Variants in URAD observed in about 807,000 individuals in gnomAD.
URAD encodes putative 2-oxo-4-hydroxy-4-carboxy-5-ureidoimidazoline decarboxylase.
Under a neutral mutation model 4.6 loss-of-function variants are expected in URAD, and 4 were observed. That is an observed-to-expected ratio of 0.87 (90% CI 0.43 to 1.98). The LOEUF (loss-of-function observed/expected upper bound fraction) is 1.98. Among genes scored for constraint, URAD ranks in the 30% most tolerant of loss-of-function variants. The probability of loss-of-function intolerance (pLI) is 0.03; values close to 1 mark genes in which losing one functional copy is unlikely to be tolerated. For missense variants in URAD, 300 were observed against 255.3 expected, an observed-to-expected ratio of 1.18 and a Z score of -1.19; for synonymous variants, 144 against 118.2, an observed-to-expected ratio of 1.22 and a Z score of -1.41.
chr13:27,978,514 T>G, intron 1 of URAD, 62 bp from the exon 2 acceptor site: 1 of 1,207,558 alleles, frequency 8.3e-7, no homozygotes, highest in Non-Finnish European at 1.0e-6. Context: ...CACCGCGCAC[T>G]CGAGGGGGCG....
chr13:27,988,105 C>T (rs976255067), intron 1 of URAD, among the ~76,000 whole-genome samples: 3 of 152,066 alleles, frequency 2.0e-5, no homozygotes, highest in Admixed American at 6.6e-5. Context: ...ACTACAGGCA[C>T]GTGCCACCAC....
chr13:27,982,873 A>T (rs1000349335), intron 1 of URAD, among the ~76,000 whole-genome samples: 1 of 152,142 alleles, frequency 6.6e-6, no homozygotes. Context: ...CCATTTAAAA[A>T]AATCCTGTTG....
intron 1 of URAD, among the ~76,000 whole-genome samples, chr13:27,983,551 C>T (rs1008077376): frequency 6.6e-6 from 1 of 152,208 alleles, no homozygotes; most frequent in South Asian, 2.1e-4. Context: ...TATGAGTGGC[C>T]TCATCCTAGA....
At chr13:27,979,876 C>T (rs1011661037) in intron 1 of URAD, among the ~76,000 whole-genome samples, 2 of 152,136 alleles carry the variant, frequency 1.3e-5, no homozygotes, top group Non-Finnish European at 2.9e-5. Flanking sequence ...GTAACATCCC[C>T]GTGTAAGAGA....
In URAD at chr13:27,988,567, C is replaced by T. The variant is rs868346858; in HGVS notation, c.71G>A (p.Arg24Lys). ...FVDVFGNATERCPLIAAAVWS... is the reference protein window; with the variant it reads ...FVDVFGNATEKCPLIAAAVWS... Reference sequence around the variant, plus strand: ...AACAGCAGCTGCAATCAGAGGACATCTCTCAGTGGCATTCCCAAACACATC... The same window carrying T: ...AACAGCAGCTGCAATCAGAGGACATTTCTCAGTGGCATTCCCAAACACATC... The change falls in exon 1 of 2, where the codon AGA becomes AAA. Residue 24 changes from arginine (R) to lysine (K), a missense_variant. Arg to Lys is a conservative substitution (Grantham distance 26). Coordinates refer to ENST00000332715, the MANE Select transcript of URAD (RefSeq NM_001105577.2). The T allele has an allele frequency of 6.2e-7, 1 of 1,613,942 alleles. No homozygotes were observed. The highest frequency in any genetic ancestry group is 8.5e-7 in the Non-Finnish European group (1 of 1,179,866).
chr13:27,981,961 G>A (rs1028522310), intron 1 of URAD, among the ~76,000 whole-genome samples: 2 of 151,806 alleles, frequency 1.3e-5, no homozygotes, highest in Admixed American at 1.3e-4. Context: ...TTGTCTCCTG[G>A]CCTCTCCACT....
At chr13:27,981,049 C>CTCTG (rs1869864149) in intron 1 of URAD, among the ~76,000 whole-genome samples, 1 of 150,992 alleles carries the variant, frequency 6.6e-6, no homozygotes, top group African/African-American at 2.5e-5. Context: ...CTCTCTCTCT[C>CTCTG]TCTGTCTCTT....
rs117995882 is a variant in URAD at position 27,979,854 on chromosome 13, G to A, written c.176-1402C>T. Among the ~76,000 whole-genome samples the A allele has an allele frequency of 1.0e-3, 154 of 152,272 alleles. No homozygotes were observed. The East Asian group carries it at 0.027, about 27-fold the overall frequency. On this transcript the variant is annotated intron_variant, in intron 1 of 1. Transcript: ENST00000332715. Reference sequence around the variant, plus strand: ...GAACTAATTTCTCCCTGAAAGACACGGAGAACTGGGGGTAACATCCCCGTG... The same window carrying A: ...GAACTAATTTCTCCCTGAAAGACACAGAGAACTGGGGGTAACATCCCCGTG...
chr13:27,987,798 T>G (rs1350047086), intron 1 of URAD, among the ~76,000 whole-genome samples: 1 of 152,152 alleles, frequency 6.6e-6, no homozygotes, highest in Non-Finnish European at 1.5e-5. Flanking sequence ...TGCTTGACTC[T>G]TACGGACTAG....
In URAD at chr13:27,978,372, G is replaced by T; in HGVS notation, c.256C>A (p.Arg86=). 2 of 1,402,310 alleles carry T rather than the reference G, an allele frequency of 1.4e-6. No individual in the cohort carries two copies. Among genetic ancestry groups the T allele is most frequent in the South Asian group, 3.1e-5 (2 of 63,884 alleles). The allele number at this position is 1,402,310 out of a possible 1,614,324, so 86.9% of individuals were successfully genotyped here. ...QRGTLTAESQ[R]EQSGAGLRSL... ...CTCAGGCCTGCGCCGCTCTGTTCCCGCTGCGACTCGGCCGTGAGCGTGCCC... is the reference window on the plus strand; with the variant it reads ...CTCAGGCCTGCGCCGCTCTGTTCCCTCTGCGACTCGGCCGTGAGCGTGCCC... The change falls in exon 2 of 2, where the codon CGG becomes AGG. Residue 86 remains arginine, a synonymous_variant. Coordinates refer to ENST00000332715, the MANE Select transcript of URAD (RefSeq NM_001105577.2).
At position 27,977,825 on chromosome 13, in the gene URAD, G is replaced by C; in HGVS notation, c.*281C>G. On this transcript the variant is annotated 3_prime_UTR_variant, in exon 2 of 2. Coordinates refer to ENST00000332715, the MANE Select transcript of URAD (RefSeq NM_001105577.2). ...GCTTTGGAATCCACAAAGGCCGGTGGTGTCGGGGGCCGCAAAGGGAGTGAA... is the reference window on the plus strand; with the variant it reads ...GCTTTGGAATCCACAAAGGCCGGTGCTGTCGGGGGCCGCAAAGGGAGTGAA... The C allele has an allele frequency of 2.5e-6, 1 of 408,130 alleles. No individual in the cohort carries two copies. Among genetic ancestry groups the C allele is most frequent in the East Asian group, 3.9e-5 (1 of 25,350 alleles). 25.3% of individuals were successfully genotyped at this position (408,130 alleles called of 1,614,324 possible).
intron 1 of URAD, among the ~76,000 whole-genome samples, chr13:27,983,507 G>C (rs1566042657): frequency 6.6e-6 from 1 of 152,084 alleles, no homozygotes; most frequent in East Asian, 1.9e-4. Context: ...AGGATTACAG[G>C]CATGAGCCAC....
intron 1 of URAD, among the ~76,000 whole-genome samples, chr13:27,982,260 C>A (rs371935227): frequency 2.0e-5 from 3 of 152,162 alleles, no homozygotes; most frequent in African/African-American, 7.2e-5. Flanking sequence ...GAAACCTCGT[C>A]TCTACTAAAA....
chr13:27,978,680 C>A (rs1033735086), intron 1 of URAD, among the ~76,000 whole-genome samples: 1 of 152,158 alleles, frequency 6.6e-6, no homozygotes, highest in Admixed American at 6.5e-5. Flanking sequence ...TTGCGCTTCT[C>A]GGTCCCCACT....
At chr13:27,979,383 T>C (rs1273794497) in intron 1 of URAD, among the ~76,000 whole-genome samples, 1 of 152,214 alleles carries the variant, frequency 6.6e-6, no homozygotes, top group Non-Finnish European at 1.5e-5. Flanking sequence ...ATCATCTTGC[T>C]CAGCTCTCTA....
chr13:27,979,745 C>T (rs1343656059), intron 1 of URAD, among the ~76,000 whole-genome samples: 3 of 152,170 alleles, frequency 2.0e-5, no homozygotes, highest in Admixed American at 6.5e-5. Flanking sequence ...AAAATTAAAC[C>T]CCCTGTAAGG....
chr13:27,986,938 A>G (rs1014526927), intron 1 of URAD, among the ~76,000 whole-genome samples: 3 of 152,186 alleles, frequency 2.0e-5, no homozygotes, highest in Non-Finnish European at 4.4e-5. Context: ...CCCCAAGCCC[A>G]GTGGAGGAGC....
At position 27,988,572 on chromosome 13, in the gene URAD, A is replaced by C. The variant is rs1225279210; in HGVS notation, c.66T>G (p.Thr22=). Residue 22 remains threonine (T), a synonymous_variant, in exon 1 of 2, where the codon ACT becomes ACG. Transcript: ENST00000332715. ...CAGCTGCAATCAGAGGACATCTCTC[A>C]GTGGCATTCCCAAACACATCCACGA... ...GEFVDVFGNA[T]ERCPLIAAAV... 3.1e-6 allele frequency: 5 copies of C among 1,613,830 alleles called. No homozygotes were observed. Among genetic ancestry groups the C allele is most frequent in the Non-Finnish European group, 4.2e-6 (5 of 1,179,866 alleles).
At position 27,978,205 on chromosome 13, in the gene URAD, G is replaced by T; in HGVS notation, c.423C>A (p.Cys141Ter). 1.3e-6 allele frequency: 2 copies of T among 1,489,516 alleles called. No individual in the cohort carries two copies. Among genetic ancestry groups the T allele is most frequent in the Non-Finnish European group, 1.8e-6 (2 of 1,131,540 alleles). The allele number at this position is 1,489,516 out of a possible 1,614,324, so 92.3% of individuals were successfully genotyped here. Residue 141 changes from cysteine to a stop codon, truncating the protein, a stop_gained, in exon 2 of 2, where the codon TGC becomes TGA. Transcript: ENST00000332715. LOFTEE classifies it low-confidence loss of function (END_TRUNC). Reference sequence around the variant, plus strand: ...CAGTGCGCAGCTCCTGCGCGGACGGGCAGAGCAGCCGGCGCGCCAGCTCGC... The same window carrying T: ...CAGTGCGCAGCTCCTGCGCGGACGGTCAGAGCAGCCGGCGCGCCAGCTCGC... ...VPRELARRLL[C>*]PSAQELRTAL...
Sources: gnomAD v4.1 joint callset for allele counts (sites outside exome capture counted in the v4.1 genomes callset) on GRCh38, gnomAD v4.1.1 for gene constraint, MANE v1.5 for transcripts, NCBI Gene and HGNC (gene_info 2026-07-23, HGNC 2026-07-21) for gene names.